The following ANK3 variants were observed in gnomAD, a reference collection of about 807,000 sequenced individuals.
ANK3 encodes ankyrin-3.
A neutral mutation model predicts 370.9 loss-of-function variants in ANK3; 57 were observed. The observed-to-expected ratio is 0.15, with a 90% CI of 0.12 to 0.19. ANK3 has a LOEUF of 0.19. Among genes scored for constraint, ANK3 ranks in the 10% least tolerant of loss-of-function variants. The pLI is 1.00. For synonymous variants in ANK3, 1,929 were observed against 1,946.3 expected (o/e 0.99, Z 0.23); for missense variants, 4,439 against 5,302.1 (o/e 0.84, Z 5.06).
At chr10:60,579,326 TAA>T (rs763281984) in intron 2 of ANK3, among the ~76,000 whole-genome samples, 13,237 of 67,842 alleles carry the variant, frequency 0.2, 310 homozygotes, top group South Asian at 0.38. Flanking sequence ...TCTCTCTCAA[TAA>T]AAAAAAAAAA....
chr10:60,289,403 T>C (rs953774186), intron 1 of ANK3, among the ~76,000 whole-genome samples: 14 of 151,438 alleles, frequency 9.2e-5, no homozygotes, highest in African/African-American at 2.4e-4. Context: ...TCTCTTTCTC[T>C]CTCCCTCCCT....
chr10:60,351,195 G>C (rs1419251635), intron 1 of ANK3, among the ~76,000 whole-genome samples: 1 of 152,118 alleles, frequency 6.6e-6, no homozygotes, highest in Non-Finnish European at 1.5e-5. Flanking sequence ...AGAAAGTTTT[G>C]CTCCCAATAG....
chr10:60,184,549 A>C (rs1265789801), intron 17 of ANK3, among the ~76,000 whole-genome samples: 1 of 152,222 alleles, frequency 6.6e-6, no homozygotes, highest in Non-Finnish European at 1.5e-5. Flanking sequence ...CTTTAGGAAT[A>C]TCTCTGCTTG....
intron 21 of ANK3, among the ~76,000 whole-genome samples, chr10:60,170,924 T>C (rs1329568380): frequency 6.6e-6 from 1 of 152,212 alleles, no homozygotes; most frequent in East Asian, 1.9e-4. Flanking sequence ...GTCTCAAGTC[T>C]TTTAACATTG....
intron 1 of ANK3, among the ~76,000 whole-genome samples, chr10:60,701,072 GA>G (rs558925947): frequency 8.4e-4 from 128 of 151,900 alleles, no homozygotes; most frequent in South Asian, 1.7e-3. Context: ...GAACAATAGA[GA>G]AAAAAGATAT....
At chr10:60,262,086 C>A in intron 6 of ANK3, 129 bp from the exon 7 acceptor site, 1 of 725,898 alleles carries the variant, frequency 1.4e-6, no homozygotes, top group Non-Finnish European at 2.3e-6. Flanking sequence ...CCATTCTGTA[C>A]TAGGTTTCGA....
intron 36 of ANK3, among the ~76,000 whole-genome samples, chr10:60,079,168 C>CACACA (rs2084517436): frequency 7.5e-6 from 1 of 132,788 alleles, no homozygotes; most frequent in Non-Finnish European, 1.6e-5. Context: ...CACCTAGCTA[C>CACACA]CTAGCTACAC....
At position 60,027,580 on chromosome 10, in the gene ANK3, T is replaced by C. The variant is rs1271841255; in HGVS notation, c.*2266A>G. 2 of 152,150 alleles carry C rather than the reference T, an allele frequency of 1.3e-5. No homozygotes were observed. The highest frequency in any genetic ancestry group is 2.4e-5 in the African/African-American group (1 of 41,420). The allele number at this position is 152,150 out of a possible 1,614,324, so 9.4% of individuals were successfully genotyped here. On this transcript the variant is annotated 3_prime_UTR_variant, in exon 44 of 44. Transcript: ENST00000280772. ...TAATTTAATTTTATAAAAGGATCAT[T>C]ACCATCAAAGAAAGACAGTACCTAA...
intron 1 of ANK3, among the ~76,000 whole-genome samples, chr10:60,656,937 G>A: frequency 6.6e-6 from 1 of 151,848 alleles, no homozygotes; most frequent in Non-Finnish European, 1.5e-5. Flanking sequence ...GTTGTTGGTG[G>A]TTTTTTGTTT....
At chr10:60,077,834 C>T (rs1222962922) in intron 36 of ANK3, among the ~76,000 whole-genome samples, 2 of 152,110 alleles carry the variant, frequency 1.3e-5, no homozygotes, top group Non-Finnish European at 2.9e-5. Context: ...ATTCATGGGA[C>T]TTATGGATAT....
At chr10:60,118,793 A>G (rs2093286240) in intron 25 of ANK3, among the ~76,000 whole-genome samples, 1 of 152,200 alleles carries the variant, frequency 6.6e-6, no homozygotes, top group East Asian at 1.9e-4. Flanking sequence ...TGGTAATTAC[A>G]GTAAATTATT....
At chr10:60,336,377 A>T (rs1011012371) in intron 1 of ANK3, among the ~76,000 whole-genome samples, 3 of 152,196 alleles carry the variant, frequency 2.0e-5, no homozygotes, top group Non-Finnish European at 4.4e-5. Context: ...TCAATTCAGT[A>T]AATCATAGCA....
At chr10:60,589,212 G>A (rs1472179298) in intron 2 of ANK3, among the ~76,000 whole-genome samples, 1 of 152,110 alleles carries the variant, frequency 6.6e-6, no homozygotes, top group Non-Finnish European at 1.5e-5. Flanking sequence ...TGGGGATAGA[G>A]TTACAAATGA....
At chr10:60,150,811 G>A (rs2095073997) in intron 23 of ANK3, among the ~76,000 whole-genome samples, 1 of 152,048 alleles carries the variant, frequency 6.6e-6, no homozygotes, top group African/African-American at 2.4e-5. Context: ...TGCTATGCTT[G>A]TACAACCTGT....
intron 2 of ANK3, among the ~76,000 whole-genome samples, chr10:60,580,223 G>A (rs1445384874): frequency 6.6e-6 from 1 of 152,110 alleles, no homozygotes; most frequent in Non-Finnish European, 1.5e-5. Flanking sequence ...GATAATCAAT[G>A]AGGATGGACT....
Position 60,580,114 on chromosome 10 carries a change from TC to T in ANK3, c.96+35071del, listed in dbSNP as rs1382991691. Among the ~76,000 whole-genome samples the T allele has an allele frequency of 2.2e-4, 33 of 152,360 alleles. No homozygotes were observed. In the Middle Eastern group the frequency reaches 0.014, roughly 63 times the overall value. ...TGCATTTCTTTGGCTGGTAGAACAC[TC>T]TTCATATTTCTTCACATTCTTCATA... On this transcript the variant is annotated intron_variant, in intron 2 of 43. Coordinates refer to the ANK3 transcript ENST00000373827.
intron 25 of ANK3, among the ~76,000 whole-genome samples, chr10:60,133,858 G>T (rs954221134): frequency 6.6e-6 from 1 of 152,146 alleles, no homozygotes; most frequent in Non-Finnish European, 1.5e-5. Flanking sequence ...GGCAGAGGCT[G>T]CAGTGAGCTG....
At chr10:60,657,833 T>C (rs2078885029) in intron 1 of ANK3, among the ~76,000 whole-genome samples, 1 of 152,134 alleles carries the variant, frequency 6.6e-6, no homozygotes, top group Non-Finnish European at 1.5e-5. Flanking sequence ...CTGTAACTAT[T>C]ATATGATTAT....
At chr10:60,701,047 CA>C (rs1281540101) in intron 1 of ANK3, among the ~76,000 whole-genome samples, 1 of 151,482 alleles carries the variant, frequency 6.6e-6, no homozygotes, top group African/African-American at 2.4e-5. Flanking sequence ...ATTTGTTATA[CA>C]TAAATAATTT....
Sources: gnomAD v4.1 joint callset for allele counts (sites outside exome capture counted in the v4.1 genomes callset) on GRCh38, gnomAD v4.1.1 for gene constraint, MANE v1.5 for transcripts, NCBI Gene and HGNC (gene_info 2026-07-23, HGNC 2026-07-21) for gene names.